The following HELB variants were observed in gnomAD, a reference collection of about 807,000 sequenced individuals.
The protein encoded by HELB is DNA 5'-3' helicase B.
In HELB, 96 loss-of-function variants were observed where a neutral mutation model predicts 101.7. That is an observed-to-expected ratio of 0.94 (90% CI 0.80 to 1.12). The LOEUF is 1.12. HELB is among the 50% of genes most tolerant of loss of function. The pLI, the probability that HELB is intolerant of heterozygous loss-of-function variation, is 0.00. For synonymous variants in HELB, 437 were observed against 459.7 expected (o/e 0.95, Z 0.63); for missense variants, 1,210 against 1,291.9 (o/e 0.94, Z 0.97).
chr12:66,316,146 A>C lies in HELB; in HGVS notation c.2000+763A>C, dbSNP rs1020023644. 1.7e-4 allele frequency among the ~76,000 whole-genome samples: 26 copies of C among 152,202 alleles called. No homozygotes were observed. In the East Asian group the frequency reaches 2.5e-3, roughly 15 times the overall value. ...AGTTGGGTACAGCACTTGGTACAGT[A>C]GCATGCTGTGCAGGTTTGTAGCCTA... On this transcript the variant is annotated intron_variant, in intron 6 of 12. Coordinates refer to ENST00000247815, the MANE Select transcript of HELB (RefSeq NM_001370285.1).
At chr12:66,307,150 G>A (rs1250672397) in intron 3 of HELB, among the ~76,000 whole-genome samples, 1 of 152,168 alleles carries the variant, frequency 6.6e-6, no homozygotes, top group Non-Finnish European at 1.5e-5. Context: ...AAATACAGTT[G>A]AGAAACTCTG....
chr12:66,315,126 G>A (rs1245638859), intron 5 of HELB, 116 bp from the exon 6 acceptor site: 1 of 628,366 alleles, frequency 1.6e-6, no homozygotes, highest in East Asian at 3.2e-5. Context: ...ATCTTTTACT[G>A]TTTAAATGTT....
chr12:66,342,116 T>C (rs1188686907), downstream of HELB: 2 of 152,174 alleles, frequency 1.3e-5, no homozygotes, highest in African/African-American at 4.8e-5. Flanking sequence ...AATTTTTTCT[T>C]CTAATAATTT....
Position 66,310,563 on chromosome 12 carries a change from C to G in HELB, c.1635C>G (p.Gly545=). 6.2e-7 allele frequency: 1 copy of G among 1,613,898 alleles called. No homozygotes were observed. The highest frequency in any genetic ancestry group is 2.2e-5 in the East Asian group (1 of 44,886). Residue 545 remains glycine, a synonymous_variant, in exon 4 of 13, where the codon GGC becomes GGG. Coordinates refer to ENST00000247815, the MANE Select transcript of HELB (RefSeq NM_001370285.1). ...LLTAPTGKAA[G]LLRQKTGLHA... ...CAGCACCTACAGGGAAAGCAGCTGGCTTACTAAGACAGAAAACTGGTCTTC... is the reference window on the plus strand; with the variant it reads ...CAGCACCTACAGGGAAAGCAGCTGGGTTACTAAGACAGAAAACTGGTCTTC...
rs769717600 is a variant in HELB at position 66,338,001 on chromosome 12, G to C, written c.3163G>C (p.Val1055Leu). 1 of 1,532,512 alleles carries C rather than the reference G, an allele frequency of 6.5e-7. No homozygotes were observed. Among genetic ancestry groups the C allele is most frequent in the Non-Finnish European group, 9.0e-7 (1 of 1,108,766 alleles). The allele number at this position is 1,532,512 out of a possible 1,614,324, so 94.9% of individuals were successfully genotyped here. Residue 1055 changes from valine (V) to leucine (L), a missense_variant and splice_region_variant, in exon 13 of 13, where the codon GTG becomes CTG. By Grantham distance (32) the Val-to-Leu change is conservative. Around this residue, in one of 2 missense-constraint regions of HELB, gnomAD observed 740 missense variants for 728.8 expected, o/e 1.02. Transcript: ENST00000247815. The stretch of plus-strand genomic sequence containing the variant: ...TTTGTTATTTTAATTGTTCTAACAG[G>C]TGGGAGAATCTCCACAAGTGTCTTC... ...DDESPSKIFMVGESPQVSSRL... is the reference protein window; with the variant it reads ...DDESPSKIFMLGESPQVSSRL...
rs550674737 is a variant in HELB at position 66,305,841 on chromosome 12, C to A, written c.608-504C>A. On this transcript the variant is annotated intron_variant, in intron 2 of 12. Transcript: ENST00000247815. ...TAATACATTTAGGAAATACTTCAGT[C>A]CAAAATGGTTTCAAGTAATTTTTAA... 2.8e-4 allele frequency among the ~76,000 whole-genome samples: 43 copies of A among 151,920 alleles called. No homozygotes were observed. In the Middle Eastern group the frequency reaches 0.014, roughly 49 times the overall value.
downstream of HELB, chr12:66,338,931 G>T (rs2137023121): frequency 6.6e-6 from 1 of 152,268 alleles, no homozygotes; most frequent in South Asian, 2.1e-4. Context: ...TTCTGAGTTG[G>T]GAGCACATTG....
At chr12:66,342,272 A>G (rs893121721), downstream of HELB, 1 of 151,856 alleles carries the variant, frequency 6.6e-6, no homozygotes, top group East Asian at 1.9e-4. Flanking sequence ...TTCTTTCCCC[A>G]TTGAATTATC....
intron 11 of HELB, among the ~76,000 whole-genome samples, chr12:66,329,757 C>T (rs142250127): frequency 6.6e-6 from 1 of 152,052 alleles, no homozygotes; most frequent in Non-Finnish European, 1.5e-5. Flanking sequence ...AGTATATCTA[C>T]TATTATTACT....
Position 66,310,187 on chromosome 12 carries a change from A to G in HELB, c.1259A>G (p.Asp420Gly), listed in dbSNP as rs535502212. 6.2e-6 allele frequency: 10 copies of G among 1,614,202 alleles called. No homozygotes were observed. In the South Asian group the frequency reaches 1.1e-4, roughly 18 times the overall value. Reference sequence around the variant, plus strand: ...TTAGAAAATCCTGTGGATGTTGTGGACACACAGGACAATGGTGACCATATT... The same window carrying G: ...TTAGAAAATCCTGTGGATGTTGTGGGCACACAGGACAATGGTGACCATATT... The part of the protein sequence containing the change: ...VRLENPVDVV[D>G]TQDNGDHIWT... Residue 420 changes from aspartate to glycine, a missense_variant, in exon 4 of 13, where the codon GAC becomes GGC. By Grantham distance (94) the Asp-to-Gly change is moderately conservative. Transcript: ENST00000247815.
intron 12 of HELB, among the ~76,000 whole-genome samples, chr12:66,336,107 T>A (rs2053863902): frequency 6.6e-6 from 1 of 152,218 alleles, no homozygotes; most frequent in African/African-American, 2.4e-5. Context: ...AAAATATGAG[T>A]CATGAATATA....
At chr12:66,339,760 C>CA (rs1350085779), downstream of HELB, 5 of 151,764 alleles carry the variant, frequency 3.3e-5, no homozygotes, top group South Asian at 2.1e-4. Context: ...AACTCCGTCT[C>CA]AAAAAAAAGA....
chr12:66,306,307 A>G lies in HELB; in HGVS notation c.608-38A>G, dbSNP rs748213424. On this transcript the variant is annotated intron_variant, in intron 2 of 12. Coordinates refer to ENST00000247815, the MANE Select transcript of HELB (RefSeq NM_001370285.1). ...TTCAAATCAGTCATTCTTTGGGTTC[A>G]TTTATGTTTTACTTTGTTCCTTTCT... The G allele has an allele frequency of 4.8e-6, 7 of 1,462,010 alleles. No homozygotes were observed. In the South Asian group the frequency reaches 5.7e-5, roughly 12 times the overall value. The allele number at this position is 1,462,010 out of a possible 1,614,324, so 90.6% of individuals were successfully genotyped here.
chr12:66,304,801 G>T lies in HELB; in HGVS notation c.258G>T (p.Trp86Cys), dbSNP rs888066538. ...GACGTTTTCCGATAACAGGTGCTTG[G>T]TGGAGAGTGAAGGTACAAGTAAAGC... ...VFGRFPITGA[W>C]WRVKVQVKPV... is the part of the protein sequence containing the mutation. Residue 86 changes from tryptophan to cysteine, a missense_variant, in exon 2 of 13, where the codon TGG becomes TGT. Trp to Cys is a radical substitution (Grantham distance 215). Around this residue, in one of 2 missense-constraint regions of HELB, gnomAD observed 470 missense variants for 563.1 expected, o/e 0.83. Transcript: ENST00000247815. 3 of 1,614,084 alleles carry T rather than the reference G, an allele frequency of 1.9e-6. No individual in the cohort carries two copies. Among genetic ancestry groups the T allele is most frequent in the Admixed American group, 3.3e-5 (2 of 60,020 alleles).
chr12:66,335,476 G>T (rs2053856834), intron 12 of HELB, among the ~76,000 whole-genome samples: 1 of 152,192 alleles, frequency 6.6e-6, no homozygotes, highest in African/African-American at 2.4e-5. Flanking sequence ...GAGCTGAAAG[G>T]GCGGAGGAAG....
downstream of HELB, chr12:66,341,674 C>T (rs771438436): frequency 1.3e-5 from 2 of 152,146 alleles, no homozygotes; most frequent in African/African-American, 2.4e-5. Context: ...CAAATCTCAT[C>T]TCACATTGTA....
At chr12:66,335,079 G>A (rs2137019257) in intron 12 of HELB, among the ~76,000 whole-genome samples, 1 of 152,298 alleles carries the variant, frequency 6.6e-6, no homozygotes, top group South Asian at 2.1e-4. Flanking sequence ...CCTGAGATGG[G>A]AAAGATGTGA....
chr12:66,313,870 T>C (rs1039730490), intron 4 of HELB, 116 bp from the exon 5 acceptor site: 20 of 819,868 alleles, frequency 2.4e-5, no homozygotes, highest in Admixed American at 1.1e-4. Flanking sequence ...TTGTGTTTCT[T>C]TACTTCCCAC....
At position 66,325,035 on chromosome 12, in the gene HELB, T is replaced by G; in HGVS notation, c.2579T>G (p.Met860Arg). The G allele has an allele frequency of 6.2e-7, 1 of 1,613,616 alleles. No homozygotes were observed. ...AGAAGATCTTTGACCATTAATAATA[T>G]GGCTGGCCTGGAAGTAACTGTGGAT... ...GKRRSLTINN[M>R]AGLEVTVDFK... The change falls in exon 11 of 13, where the codon ATG becomes AGG. Residue 860 changes from methionine to arginine, a missense_variant. By Grantham distance (91) the Met-to-Arg change is moderately conservative. This residue lies in a region of HELB where 740 missense variants were observed against 728.8 expected (regional missense o/e 1.02). Transcript: ENST00000247815.
Sources: allele counts gnomAD v4.1 joint callset (sites outside exome capture counted in the v4.1 genomes callset), GRCh38; gene constraint gnomAD v4.1.1; regional missense constraint gnomAD v4.1.1; transcripts MANE v1.5; gene names NCBI Gene and HGNC (gene_info 2026-07-23, HGNC 2026-07-21).